TBC1D32: variants seen among roughly 807,000 people sequenced by gnomAD.
TBC1D32 encodes the protein TBC1 domain family member 32.
TBC1D32 carries 151 observed loss-of-function variants against 170.3 expected under a neutral mutation model. The observed-to-expected ratio is 0.89, with a 90% CI of 0.78 to 1.01. TBC1D32 has a LOEUF of 1.01. Ranked by LOEUF, TBC1D32 falls within the 50% of genes least tolerant of loss-of-function variation. The pLI is 0.00. For missense variants in TBC1D32, 1,464 were observed against 1,457.1 expected (o/e 1.00, Z -0.08); for synonymous variants, 498 against 488.0 (o/e 1.02, Z -0.27).
intron 22 of TBC1D32, among the ~76,000 whole-genome samples, chr6:121,179,812 G>GAGTT (rs1204289772): frequency 6.6e-6 from 1 of 152,102 alleles, no homozygotes; most frequent in Non-Finnish European, 1.5e-5. Context: ...AAATTTGGGA[G>GAGTT]AGTTGTAGTG....
chr6:121,134,165 T>C (rs1221258782), intron 24 of TBC1D32, among the ~76,000 whole-genome samples: 2 of 152,124 alleles, frequency 1.3e-5, no homozygotes, highest in African/African-American at 2.4e-5. Context: ...ATTGCAAAGA[T>C]AATGCAGTTT....
chr6:121,302,340 C>T (rs1441596927), intron 9 of TBC1D32, among the ~76,000 whole-genome samples: 1 of 152,096 alleles, frequency 6.6e-6, no homozygotes, highest in Admixed American at 6.6e-5. Flanking sequence ...TGGCTCTTTA[C>T]ATAAAAAGTG....
intron 22 of TBC1D32, among the ~76,000 whole-genome samples, chr6:121,174,684 CAAAAGA>C (rs1445569045): frequency 6.6e-6 from 1 of 151,918 alleles, no homozygotes; most frequent in African/African-American, 2.4e-5. Flanking sequence ...AATGACAAAG[CAAAAGA>C]AAGTCAAGAC....
intron 24 of TBC1D32, among the ~76,000 whole-genome samples, chr6:121,155,279 G>A (rs990061480): frequency 1.3e-5 from 2 of 151,852 alleles, no homozygotes; most frequent in Non-Finnish European, 2.9e-5. Flanking sequence ...ATAGCAAATG[G>A]GATTATGTTC....
At chr6:121,111,733 T>G (rs180895576) in intron 29 of TBC1D32, among the ~76,000 whole-genome samples, 3 of 152,282 alleles carry the variant, frequency 2.0e-5, no homozygotes, top group Admixed American at 2.0e-4. Context: ...GATTTTATTT[T>G]CCTTATCACA....
At chr6:121,333,848 C>T (rs1811517785) in intron 1 of TBC1D32, among the ~76,000 whole-genome samples, 1 of 152,176 alleles carries the variant, frequency 6.6e-6, no homozygotes. Flanking sequence ...GGGCGGATCA[C>T]TTGAGGTAGG....
intron 22 of TBC1D32, among the ~76,000 whole-genome samples, chr6:121,200,966 G>A (rs1419932170): frequency 6.6e-6 from 1 of 151,418 alleles, no homozygotes. Context: ...ATACATTAGG[G>A]TAAGACACAC....
At chr6:121,306,977 C>A (rs910511943) in intron 5 of TBC1D32, among the ~76,000 whole-genome samples, 6 of 152,000 alleles carry the variant, frequency 3.9e-5, no homozygotes, top group Non-Finnish European at 8.8e-5. Context: ...TTCGAATAAA[C>A]CATAATTCAT....
intron 15 of TBC1D32, among the ~76,000 whole-genome samples, chr6:121,267,144 C>G (rs4257888): frequency 0.88 from 129,268 of 146,478 alleles, 57,457 homozygotes; most frequent in East Asian, 0.98. Context: ...AAAAAAAGGT[C>G]GGGGGGAGGT....
chr6:121,295,644 GA>G (rs202140829), intron 10 of TBC1D32, among the ~76,000 whole-genome samples: 17 of 146,082 alleles, frequency 1.2e-4, no homozygotes, highest in African/African-American at 2.3e-4. Context: ...ATAGTTGATA[GA>G]AAAAAAAAAT....
rs1382354828 is a variant in TBC1D32, at chr6:121,221,307, CAACAG to C, written c.2481+1924_2481+1928del. Reference sequence around the variant, plus strand: ...AAAATACTACTGCTCACTGACAACACAACAGGTCACCTAAGAGCTCTGATGGAGAT... The same window carrying C: ...AAAATACTACTGCTCACTGACAACACGTCACCTAAGAGCTCTGATGGAGAT... On this transcript the variant is annotated intron_variant, in intron 21 of 31. Transcript: ENST00000398212. Among the ~76,000 whole-genome samples the C allele has an allele frequency of 2.0e-5, 3 of 152,210 alleles. No homozygotes were observed. In the East Asian group the frequency reaches 5.8e-4, roughly 29 times the overall value.
At chr6:121,208,729 G>GGAAAAAAAA (rs1412318299) in intron 21 of TBC1D32, among the ~76,000 whole-genome samples, 48 of 86,920 alleles carry the variant, frequency 5.5e-4, no homozygotes, top group Non-Finnish European at 6.6e-4. Flanking sequence ...GAAACACCTG[G>GGAAAAAAAA]AAAAAAAAAA....
intron 24 of TBC1D32, among the ~76,000 whole-genome samples, chr6:121,153,173 G>A (rs1784422818): frequency 6.6e-6 from 1 of 152,020 alleles, no homozygotes; most frequent in African/African-American, 2.4e-5. Context: ...GGTGACCTTG[G>A]GATGGAGTTT....
intron 18 of TBC1D32, 140 bp from the exon 19 acceptor site, chr6:121,241,692 A>T: frequency 1.3e-6 from 1 of 751,478 alleles, no homozygotes; most frequent in Non-Finnish European, 2.2e-6. Context: ...TAAAAAGCCC[A>T]AAAGTCTAGG....
At chr6:121,304,307 T>C in intron 8 of TBC1D32, 58 bp downstream of exon 8, 1 of 1,500,432 alleles carries the variant, frequency 6.7e-7, no homozygotes, top group Non-Finnish European at 9.2e-7. Flanking sequence ...GTCTGAAACG[T>C]ATATGGGGCA....
intron 20 of TBC1D32, among the ~76,000 whole-genome samples, chr6:121,236,663 T>C (rs1243961272): frequency 1.3e-5 from 2 of 152,114 alleles, no homozygotes; most frequent in Non-Finnish European, 2.9e-5. Flanking sequence ...TAGTTTATAC[T>C]GACATTTCTA....
At chr6:121,232,652 G>A (rs1197950538) in intron 20 of TBC1D32, among the ~76,000 whole-genome samples, 1 of 151,894 alleles carries the variant, frequency 6.6e-6, no homozygotes, top group Non-Finnish European at 1.5e-5. Context: ...GGTTAGGTAT[G>A]TTCCTAAGTA....
intron 12 of TBC1D32, among the ~76,000 whole-genome samples, chr6:121,286,367 C>G (rs1803828114): frequency 6.6e-6 from 1 of 152,000 alleles, no homozygotes; most frequent in South Asian, 2.1e-4. Flanking sequence ...CCGATTTGAT[C>G]AACTGGAAGA....
At chr6:121,283,312 T>G (rs1409210660) in intron 13 of TBC1D32, among the ~76,000 whole-genome samples, 1 of 151,858 alleles carries the variant, frequency 6.6e-6, no homozygotes, top group East Asian at 1.9e-4. Flanking sequence ...TTTAGAACAT[T>G]TTTAAAAGCT....
Sources: allele counts gnomAD v4.1 joint callset (sites outside exome capture counted in the v4.1 genomes callset), GRCh38; gene constraint gnomAD v4.1.1; transcripts MANE v1.5; gene names NCBI Gene and HGNC (gene_info 2026-07-23, HGNC 2026-07-21).